MLIP: variants seen among roughly 807,000 people sequenced by gnomAD.
MLIP encodes muscular LMNA-interacting protein.
In MLIP, 79 loss-of-function variants were observed where a neutral mutation model predicts 84.8. The ratio of observed to expected loss-of-function variants is 0.93; its 90% confidence interval spans 0.78 to 1.12. The LOEUF (loss-of-function observed/expected upper bound fraction) is 1.12. Among genes scored for constraint, MLIP ranks in the 50% most tolerant of loss-of-function variants. The pLI, the probability that MLIP is intolerant of heterozygous loss-of-function variation, is 0.00. For missense variants in MLIP, 1,257 were observed against 1,160.6 expected (o/e 1.08, Z -1.21); for synonymous variants, 504 against 463.0 (o/e 1.09, Z -1.14).
chr6:54,134,247 T>G (rs1771624059), intron 3 of MLIP, among the ~76,000 whole-genome samples: 1 of 152,130 alleles, frequency 6.6e-6, no homozygotes, highest in Non-Finnish European at 1.5e-5. Flanking sequence ...CATACATATT[T>G]TCATGCCTTT....
chr6:54,121,227 C>T (rs1770423418), intron 1 of MLIP, among the ~76,000 whole-genome samples: 1 of 152,130 alleles, frequency 6.6e-6, no homozygotes, highest in Admixed American at 6.5e-5. Flanking sequence ...ACAGGATCTT[C>T]CCTGGGTGGT....
At chr6:54,028,272 C>T (rs1204081509) in intron 1 of MLIP, among the ~76,000 whole-genome samples, 1 of 152,134 alleles carries the variant, frequency 6.6e-6, no homozygotes, top group African/African-American at 2.4e-5. Flanking sequence ...TCTGGGAAGA[C>T]ACCCCCCTCC....
In MLIP at chr6:54,230,853, C is replaced by T; in HGVS notation, c.2858C>T (p.Ser953Phe). 6.2e-7 allele frequency: 1 copy of T among 1,613,958 alleles called. No homozygotes were observed. Residue 953 changes from serine to phenylalanine, a missense_variant, in exon 12 of 14, where the codon TCC (serine) becomes TTC (phenylalanine). Ser to Phe is a radical substitution (Grantham distance 155, BLOSUM62 -2). Coordinates refer to ENST00000502396, the MANE Select transcript of MLIP (RefSeq NM_001281747.2). ...GCCCCAGGACCCTTCAGTCATCTGT[C>T]CTTCTCCTTGAGTGATGAACAGGAG... ...CLAPGPFSHL[S>F]FSLSDEQENS...
intron 1 of MLIP, among the ~76,000 whole-genome samples, chr6:54,050,861 C>G (rs995818661): frequency 1.3e-5 from 2 of 150,934 alleles, no homozygotes; most frequent in Non-Finnish European, 3.0e-5. Flanking sequence ...TCACCTAACA[C>G]TAACTATTTT....
In MLIP at chr6:54,095,723, G is replaced by A. The variant is rs544713549; in HGVS notation, c.64-25724G>A. Among the ~76,000 whole-genome samples, 25 of 152,326 alleles carry A rather than the reference G, an allele frequency of 1.6e-4. No homozygotes were observed. In the East Asian group the frequency reaches 3.9e-3, roughly 23 times the overall value. ...ACCCCCAAATGAGCTTCGAGTGAAA[G>A]AGCTTATGAGAGAAGAGTAAAAACA... On this transcript the variant is annotated intron_variant, in intron 1 of 12. Coordinates refer to the MLIP transcript ENST00000274897.
At chr6:54,065,932 A>G (rs1346092341) in intron 1 of MLIP, among the ~76,000 whole-genome samples, 3 of 99,658 alleles carry the variant, frequency 3.0e-5, no homozygotes, top group African/African-American at 7.7e-5. Flanking sequence ...CAGTTTTCAT[A>G]CATAATAAAT....
In MLIP at chr6:54,093,973, A is replaced by G. The variant is rs142688422; in HGVS notation, c.64-27474A>G. ...GAATGTAAAGCACTTACAATTTCTG[A>G]CACAGGATAAATATCCAAAGAACAG... On this transcript the variant is annotated intron_variant, in intron 1 of 12. Coordinates refer to the MLIP transcript ENST00000274897. 7.4e-4 allele frequency among the ~76,000 whole-genome samples: 113 copies of G among 152,326 alleles called. 2 individuals carry two copies. The highest frequency in any genetic ancestry group is 3.4e-3 in the Middle Eastern group (1 of 294).
intron 4 of MLIP, among the ~76,000 whole-genome samples, chr6:54,138,580 A>G (rs1772033457): frequency 6.6e-6 from 1 of 152,206 alleles, no homozygotes; most frequent in Admixed American, 6.5e-5. Flanking sequence ...AATATGAGTT[A>G]TATCATTGGC....
At chr6:54,128,618 C>T (rs955558953) in intron 3 of MLIP, among the ~76,000 whole-genome samples, 10 of 151,732 alleles carry the variant, frequency 6.6e-5, no homozygotes, top group Non-Finnish European at 1.5e-4. Context: ...ACAGTGTGAG[C>T]GAGATTATGG....
chr6:54,040,533 T>A (rs925749629), intron 1 of MLIP, among the ~76,000 whole-genome samples: 5 of 152,036 alleles, frequency 3.3e-5, no homozygotes, highest in Admixed American at 1.3e-4. Flanking sequence ...AAAACAGAAC[T>A]ACCTTTTGAC....
chr6:54,024,359 T>C (rs1385403789), intron 1 of MLIP, among the ~76,000 whole-genome samples: 1 of 152,248 alleles, frequency 6.6e-6, no homozygotes, highest in African/African-American at 2.4e-5. Flanking sequence ...TAAAATTAAT[T>C]ACTTTCTAAG....
At chr6:54,109,940 C>CCTTT (rs1198761531), upstream of MLIP, among the ~76,000 whole-genome samples, 2 of 115,740 alleles carry the variant, frequency 1.7e-5, no homozygotes, top group Non-Finnish European at 3.6e-5. Context: ...TTCCTTCCTT[C>CCTTT]CTTCCTTCCT....
At chr6:54,177,940 A>G (rs1476901285) in intron 9 of MLIP, among the ~76,000 whole-genome samples, 13 of 152,302 alleles carry the variant, frequency 8.5e-5, no homozygotes, top group African/African-American at 3.1e-4. Flanking sequence ...AAACTAATAC[A>G]GGAACAGAAA....
Position 54,124,586 on chromosome 6 carries a change from C to A in MLIP, c.366C>A (p.Phe122Leu). 1 of 1,614,150 alleles carries A rather than the reference C, an allele frequency of 6.2e-7. No homozygotes were observed. The highest frequency in any genetic ancestry group is 8.5e-7 in the Non-Finnish European group (1 of 1,180,032). ...GAACGATTTTACAAGAAAGGGAATT[C>A]GAAGCAAACAAACTTCAAGGGATGC... Reference protein sequence around the residue: ...VSGTILQEREFEANKLQGMQQ... With the variant: ...VSGTILQERELEANKLQGMQQ... The change falls in exon 3 of 14, where the codon TTC becomes TTA. Residue 122 changes from phenylalanine (F) to leucine (L), a missense_variant. Transcript: ENST00000502396.
intron 12 of MLIP, among the ~76,000 whole-genome samples, chr6:54,243,793 G>T (rs1049310669): frequency 2.0e-5 from 3 of 152,036 alleles, no homozygotes; most frequent in Non-Finnish European, 4.4e-5. Context: ...GTCAAACCCA[G>T]CACCATATAT....
At chr6:54,119,102 T>G (rs1220616968) in intron 1 of MLIP, among the ~76,000 whole-genome samples, 1 of 152,162 alleles carries the variant, frequency 6.6e-6, no homozygotes, top group Non-Finnish European at 1.5e-5. Context: ...AGAGTGTTCA[T>G]TGGTACATTC....
At chr6:54,153,663 C>A (rs987965222) in intron 5 of MLIP, among the ~76,000 whole-genome samples, 1 of 151,856 alleles carries the variant, frequency 6.6e-6, no homozygotes, top group African/African-American at 2.4e-5. Flanking sequence ...GCCTGGCCAA[C>A]ATGGTGAAAC....
chr6:54,224,686 G>A (rs571691101), intron 11 of MLIP, among the ~76,000 whole-genome samples: 4 of 151,834 alleles, frequency 2.6e-5, no homozygotes, highest in African/African-American at 7.2e-5. Context: ...CCCATCCCCC[G>A]AGCAGTATAT....
At chr6:54,173,717 G>A (rs1490061557) in intron 9 of MLIP, among the ~76,000 whole-genome samples, 1 of 151,720 alleles carries the variant, frequency 6.6e-6, no homozygotes, top group Non-Finnish European at 1.5e-5. Context: ...TATCCTTTAT[G>A]TTACAAATAA....
Sources: gnomAD v4.1 joint callset for allele counts (sites outside exome capture counted in the v4.1 genomes callset) on GRCh38, gnomAD v4.1.1 for gene constraint, MANE v1.5 for transcripts, NCBI Gene and HGNC (gene_info 2026-07-23, HGNC 2026-07-21) for gene names.